Variants in PEPD observed in about 807,000 individuals in gnomAD.
PEPD encodes xaa-Pro dipeptidase.
Under a neutral mutation model 60.7 loss-of-function variants are expected in PEPD, and 53 were observed. The observed-to-expected ratio is 0.87, with a 90% CI of 0.70 to 1.10. PEPD has a LOEUF of 1.10. Among genes scored for constraint, PEPD ranks in the 50% least tolerant of loss-of-function variants. The probability of loss-of-function intolerance (pLI) is 0.00; values close to 1 mark genes in which losing one functional copy is unlikely to be tolerated. For synonymous variants in PEPD, 267 were observed against 284.1 expected (o/e 0.94, Z 0.60); for missense variants, 711 against 711.9 (o/e 1.00, Z 0.01).
intron 11 of PEPD, among the ~76,000 whole-genome samples, chr19:33,403,837 G>C (rs1242590964): frequency 1.3e-5 from 2 of 152,178 alleles, no homozygotes; most frequent in Admixed American, 6.5e-5. Flanking sequence ...CTCTCAGGCT[G>C]GGGGGAGGAG....
chr19:33,521,491 C>G (rs983676375), intron 1 of PEPD, among the ~76,000 whole-genome samples: 5 of 152,236 alleles, frequency 3.3e-5, no homozygotes, highest in Non-Finnish European at 7.3e-5. Context: ...CAGCCGCACA[C>G]GGTGGGGCCG....
At chr19:33,483,316 A>G (rs965691116) in intron 6 of PEPD, among the ~76,000 whole-genome samples, 1 of 152,154 alleles carries the variant, frequency 6.6e-6, no homozygotes, top group Non-Finnish European at 1.5e-5. Context: ...AAAATCTACA[A>G]AGCCAAAAGC....
intron 6 of PEPD, among the ~76,000 whole-genome samples, chr19:33,489,498 G>A (rs1600156747): frequency 6.6e-6 from 1 of 151,992 alleles, no homozygotes; most frequent in Admixed American, 6.6e-5. Flanking sequence ...GTGTAGTGGC[G>A]GGTGCCTGTA....
intron 12 of PEPD, 106 bp downstream of exon 12, chr19:33,401,615 A>C (rs1968491928): frequency 9.6e-7 from 1 of 1,046,308 alleles, no homozygotes; most frequent in Admixed American, 2.0e-5. Flanking sequence ...GGAGTGTGGC[A>C]GATTCAAGTC....
chr19:33,397,798 G>C (rs116365287), intron 12 of PEPD, among the ~76,000 whole-genome samples: 23 of 152,184 alleles, frequency 1.5e-4, no homozygotes, highest in African/African-American at 5.6e-4. Flanking sequence ...CCTGAGGCCT[G>C]TGCCTGCCCC....
In PEPD at chr19:33,486,208, C is replaced by T. The variant is rs544695017; in HGVS notation, c.503+3788G>A. 1.6e-3 allele frequency among the ~76,000 whole-genome samples: 239 copies of T among 152,208 alleles called. No individual in the cohort carries two copies. In the Middle Eastern group the frequency reaches 0.021, roughly 13 times the overall value. Reference sequence around the variant, plus strand: ...ATCCGCAGGAAGAAGTCTCAAGTCTCTTGCTGCAGGGTTCCCCTCCCCATC... The same window carrying T: ...ATCCGCAGGAAGAAGTCTCAAGTCTTTTGCTGCAGGGTTCCCCTCCCCATC... On this transcript the variant is annotated intron_variant, in intron 6 of 14. Transcript: ENST00000244137.
At chr19:33,506,961 C>T (rs1375794821) in intron 3 of PEPD, among the ~76,000 whole-genome samples, 1 of 150,804 alleles carries the variant, frequency 6.6e-6, no homozygotes, top group African/African-American at 2.4e-5. Flanking sequence ...CACACACCCC[C>T]AACATATGTC....
intron 4 of PEPD, among the ~76,000 whole-genome samples, chr19:33,497,478 AC>A (rs1283350019): frequency 1.3e-5 from 2 of 151,956 alleles, no homozygotes; most frequent in African/African-American, 4.8e-5. Context: ...TTCTCAATAA[AC>A]TCAGGATCCT....
At chr19:33,477,450 C>T (rs772239167) in intron 7 of PEPD, among the ~76,000 whole-genome samples, 3 of 152,220 alleles carry the variant, frequency 2.0e-5, no homozygotes, top group African/African-American at 7.2e-5. Flanking sequence ...AGAAAAAATG[C>T]CTTGCTGCTG....
At chr19:33,461,318 A>G (rs944159677) in intron 9 of PEPD, among the ~76,000 whole-genome samples, 4 of 151,916 alleles carry the variant, frequency 2.6e-5, no homozygotes, top group Middle Eastern at 3.2e-3. Flanking sequence ...AAAAAAAAAA[A>G]AGACCTCCAT....
chr19:33,410,490 G>A (rs1223961681), intron 11 of PEPD, among the ~76,000 whole-genome samples: 1 of 152,238 alleles, frequency 6.6e-6, no homozygotes, highest in East Asian at 1.9e-4. Context: ...GGGCATGGCT[G>A]GGGACTCTGG....
intron 13 of PEPD, 130 bp downstream of exon 13, chr19:33,391,165 G>A: frequency 2.6e-6 from 2 of 778,992 alleles, no homozygotes; most frequent in South Asian, 2.9e-5. Flanking sequence ...GTATACCACA[G>A]GGAGCCATGG....
intron 6 of PEPD, among the ~76,000 whole-genome samples, chr19:33,479,131 T>C (rs1018086367): frequency 6.6e-6 from 1 of 152,098 alleles, no homozygotes; most frequent in African/African-American, 2.4e-5. Context: ...CTGACATTAA[T>C]GCAAACTAGA....
chr19:33,479,325 T>TA (rs1380647194), intron 6 of PEPD, among the ~76,000 whole-genome samples: 1 of 151,978 alleles, frequency 6.6e-6, no homozygotes. Context: ...TTTAAAATGG[T>TA]AGAGTTTTTC....
At chr19:33,477,971 G>T in intron 7 of PEPD, 75 bp downstream of exon 7, 2 of 973,828 alleles carry the variant, frequency 2.1e-6, no homozygotes, top group Non-Finnish European at 3.3e-6. Context: ...GACGGTGTGG[G>T]CAGGAACAAC....
At chr19:33,508,800 G>A (rs1600173342) in intron 3 of PEPD, among the ~76,000 whole-genome samples, 1 of 152,240 alleles carries the variant, frequency 6.6e-6, no homozygotes, top group Admixed American at 6.5e-5. Context: ...GGAAATAGAT[G>A]TCACCTGCAG....
chr19:33,472,309 G>C (rs1048725916), intron 7 of PEPD, among the ~76,000 whole-genome samples: 2 of 152,210 alleles, frequency 1.3e-5, no homozygotes, highest in Admixed American at 1.3e-4. Context: ...GCCTGGGCAA[G>C]AGCATAAGAC....
At chr19:33,497,079 C>T (rs910763776) in intron 4 of PEPD, among the ~76,000 whole-genome samples, 2 of 152,278 alleles carry the variant, frequency 1.3e-5, no homozygotes, top group Non-Finnish European at 2.9e-5. Context: ...ACTGCTTTTA[C>T]AATTTCAAAT....
intron 9 of PEPD, among the ~76,000 whole-genome samples, chr19:33,418,206 A>C (rs939045950): frequency 1.3e-5 from 2 of 152,256 alleles, no homozygotes; most frequent in African/African-American, 4.8e-5. Flanking sequence ...TAAGTTGCTT[A>C]TAATTCACAT....
Sources: allele counts gnomAD v4.1 joint callset (sites outside exome capture counted in the v4.1 genomes callset), GRCh38; gene constraint gnomAD v4.1.1; transcripts MANE v1.5; gene names NCBI Gene and HGNC (gene_info 2026-07-23, HGNC 2026-07-21).